FBXO25: variants seen among roughly 807,000 people sequenced by gnomAD.
The protein encoded by FBXO25 is F-box protein 25, also known as F-box only protein 25.
FBXO25 carries 45 observed loss-of-function variants against 51.9 expected under a neutral mutation model. That is an observed-to-expected ratio of 0.87 (90% CI 0.68 to 1.11). The LOEUF (loss-of-function observed/expected upper bound fraction) is 1.11, where lower values mean the gene tolerates loss of function less well. Ranked by LOEUF, FBXO25 falls within the 50% of genes most tolerant of loss-of-function variation. The pLI is 0.00. For missense variants in FBXO25, 507 were observed against 428.5 expected (o/e 1.18, Z -1.62); for synonymous variants, 199 against 151.0 (o/e 1.32, Z -2.33).
intron 8 of FBXO25, among the ~76,000 whole-genome samples, chr8:459,199 C>T (rs534206802): frequency 2.0e-5 from 3 of 152,362 alleles, no homozygotes; most frequent in Admixed American, 6.5e-5. Flanking sequence ...GGGCTGGTCG[C>T]AGCCAGAGAA....
intron 2 of FBXO25, among the ~76,000 whole-genome samples, chr8:426,910 G>A (rs936228688): frequency 6.6e-6 from 1 of 152,100 alleles, no homozygotes; most frequent in Non-Finnish European, 1.5e-5. Flanking sequence ...TATTTAGGAA[G>A]GAAATGTTAA....
intron 2 of FBXO25, among the ~76,000 whole-genome samples, chr8:421,798 G>A (rs1385596458): frequency 6.6e-6 from 1 of 152,174 alleles, no homozygotes; most frequent in Non-Finnish European, 1.5e-5. Context: ...CAAATGAAAG[G>A]TGAGTGATGG....
intron 5 of FBXO25, among the ~76,000 whole-genome samples, chr8:439,244 G>A (rs996830022): frequency 3.9e-5 from 6 of 152,152 alleles, no homozygotes; most frequent in African/African-American, 1.4e-4. Context: ...CTGCCCCCTC[G>A]CCCCTCTGGC....
chr8:426,318 T>C (rs1485618086), intron 2 of FBXO25, among the ~76,000 whole-genome samples: 1 of 152,250 alleles, frequency 6.6e-6, no homozygotes, highest in Admixed American at 6.5e-5. Flanking sequence ...ATGTTAAATC[T>C]GTGGCTTATA....
intron 5 of FBXO25, among the ~76,000 whole-genome samples, chr8:444,625 C>A (rs142586509): frequency 0.014 from 2,108 of 152,264 alleles, 51 homozygotes; most frequent in East Asian, 0.098. Flanking sequence ...TCTTCCACAT[C>A]TTTACTTGTT....
chr8:451,274 G>A lies in FBXO25; in HGVS notation c.481G>A (p.Asp161Asn). 6.3e-7 allele frequency: 1 copy of A among 1,592,256 alleles called. No individual in the cohort carries two copies. Residue 161 changes from aspartate (D) to asparagine (N), a missense_variant, in exon 7 of 10, where the codon GAT becomes AAT. Coordinates refer to ENST00000350302, the MANE Select transcript of FBXO25 (RefSeq NM_183420.2). ...ILDKIVQKVL[D>N]DHHNPRLIKD... is the part of the protein sequence containing the mutation. ...TTTATTTTTATTTATTCCAGTTCTT[G>A]ATGACCACCACAATCCTCGCTTAAT... is the stretch of plus-strand genomic sequence containing the variant.
At chr8:440,760 C>T (rs193021996) in intron 5 of FBXO25, among the ~76,000 whole-genome samples, 2,914 of 151,156 alleles carry the variant, frequency 0.019, 60 homozygotes, top group African/African-American at 0.068. Context: ...CCGACAGGCC[C>T]TGGTGTGTGA....
chr8:414,642 G>A (rs1005545681), intron 2 of FBXO25, among the ~76,000 whole-genome samples: 3 of 151,968 alleles, frequency 2.0e-5, no homozygotes, highest in African/African-American at 7.3e-5. Context: ...GAATACAGTC[G>A]AGATATGTTT....
intron 2 of FBXO25, among the ~76,000 whole-genome samples, chr8:427,435 C>G (rs1482855710): frequency 1.3e-5 from 2 of 151,130 alleles, no homozygotes; most frequent in Non-Finnish European, 2.9e-5. Flanking sequence ...GAGATTTTTT[C>G]TCCCTAAAGT....
chr8:451,916 G>C (rs1799124486), intron 7 of FBXO25, among the ~76,000 whole-genome samples: 1 of 152,090 alleles, frequency 6.6e-6, no homozygotes, highest in African/African-American at 2.4e-5. Context: ...AATCATGTCA[G>C]TTTTTTTGAT....
At chr8:448,453 G>A (rs1160439355) in intron 5 of FBXO25, among the ~76,000 whole-genome samples, 1 of 152,142 alleles carries the variant, frequency 6.6e-6, no homozygotes, top group Non-Finnish European at 1.5e-5. Context: ...CTTACTTATG[G>A]GATCCTCCAG....
intron 2 of FBXO25, among the ~76,000 whole-genome samples, chr8:423,908 C>G (rs188851774): frequency 6.6e-6 from 1 of 152,174 alleles, no homozygotes. Context: ...ACATTCCCGT[C>G]AACAGTGTAT....
At chr8:415,954 T>A (rs1429823642) in intron 2 of FBXO25, among the ~76,000 whole-genome samples, 3 of 152,226 alleles carry the variant, frequency 2.0e-5, no homozygotes, top group African/African-American at 7.2e-5. Context: ...TGAGGATATA[T>A]AAGAAGTTGT....
chr8:460,082 AGAGGTAAAT>A (rs1799710224), intron 8 of FBXO25, among the ~76,000 whole-genome samples: 1 of 152,104 alleles, frequency 6.6e-6, no homozygotes, highest in Non-Finnish European at 1.5e-5. Context: ...TCCTAGGAAA[AGAGGTAAAT>A]GAAGGTTGCC....
chr8:452,611 A>G (rs933223062), intron 7 of FBXO25, among the ~76,000 whole-genome samples: 2 of 152,206 alleles, frequency 1.3e-5, no homozygotes, highest in Non-Finnish European at 1.5e-5. Flanking sequence ...GTCCTTGTCC[A>G]TGGTGGGTTT....
intron 9 of FBXO25, among the ~76,000 whole-genome samples, chr8:466,768 C>T (rs932151756): frequency 3.9e-5 from 6 of 152,110 alleles, no homozygotes; most frequent in African/African-American, 1.4e-4. Context: ...TTTAACTTTT[C>T]TACCTGCCTT....
chr8:408,698 G>C (rs983661419), intron 1 of FBXO25, among the ~76,000 whole-genome samples: 4 of 152,142 alleles, frequency 2.6e-5, no homozygotes, highest in African/African-American at 9.7e-5. Context: ...AGTCTCTCAT[G>C]CCAAGAGTTT....
At chr8:455,998 C>T (rs932858483) in intron 7 of FBXO25, among the ~76,000 whole-genome samples, 9 of 152,152 alleles carry the variant, frequency 5.9e-5, no homozygotes, top group South Asian at 4.1e-4. Context: ...TCTACTAATC[C>T]GGGATTTTTT....
At chr8:417,200 A>G (rs990674201) in intron 2 of FBXO25, among the ~76,000 whole-genome samples, 2 of 152,202 alleles carry the variant, frequency 1.3e-5, no homozygotes, top group Non-Finnish European at 2.9e-5. Flanking sequence ...CTGTTGTCAT[A>G]GTAAGGACTT....
Sources: allele counts gnomAD v4.1 joint callset (sites outside exome capture counted in the v4.1 genomes callset), GRCh38; gene constraint gnomAD v4.1.1; transcripts MANE v1.5; gene names NCBI Gene and HGNC (gene_info 2026-07-23, HGNC 2026-07-21).